The following NUMBL variants were observed in gnomAD, a reference collection of about 807,000 sequenced individuals.
The protein encoded by NUMBL is NUMB like endocytic adaptor protein.
NUMBL carries 20 observed loss-of-function variants against 48.9 expected under a neutral mutation model. The ratio of observed to expected loss-of-function variants is 0.41; its 90% CI spans 0.29 to 0.59. The LOEUF (loss-of-function observed/expected upper bound fraction) is 0.59, where lower values mean the gene tolerates loss of function less well. NUMBL is among the 20% of genes least tolerant of loss of function. The pLI, the probability that NUMBL is intolerant of heterozygous loss-of-function variation, is 0.31. For synonymous variants in NUMBL, 340 were observed against 348.7 expected (o/e 0.98, Z 0.28); for missense variants, 660 against 846.2 (o/e 0.78, Z 2.73).
At position 40,667,585 on chromosome 19, in the gene NUMBL, AGCTGGG is replaced by A. The variant is rs747088284; in HGVS notation, c.1707_1712del (p.Ala571_Pro572del). ...GGGCCTCAAAGGGGTCCAACTCTGGAGCTGGGGCAGGCGCTGGCTCAGGGGGCCAGG... is the reference window on the plus strand; with the variant it reads ...GGGCCTCAAAGGGGTCCAACTCTGGAGCAGGCGCTGGCTCAGGGGGCCAGG... On this transcript the variant is annotated inframe_deletion, in exon 10 of 10. Coordinates refer to ENST00000252891, the MANE Select transcript of NUMBL (RefSeq NM_004756.5). This position sits in a 1 kb window ranked among gnomAD's most constrained non-coding sequence, Gnocchi z 6.1. 7 of 1,556,126 alleles carry A rather than the reference AGCTGGG, an allele frequency of 4.5e-6. No individual in the cohort carries two copies. In the South Asian group the frequency reaches 4.7e-5, roughly 11 times the overall value.
rs1337393634 is a variant in NUMBL, at chr19:40,684,566, C to A, written c.110-10G>T. On this transcript the variant is annotated splice_polypyrimidine_tract_variant and intron_variant, in intron 2 of 9. Coordinates refer to ENST00000252891, the MANE Select transcript of NUMBL (RefSeq NM_004756.5). ...ATGGTGCCCGCCCCGTCTGGTGACA[C>A]AGGACAGTGATGTGGGTCAAGGGTG... The A allele has an allele frequency of 2.5e-6, 4 of 1,602,024 alleles. No individual in the cohort carries two copies. The highest frequency in any genetic ancestry group is 3.4e-6 in the Non-Finnish European group (4 of 1,172,708).
chr19:40,683,100 C>T, intron 3 of NUMBL, 132 bp from the exon 4 acceptor site: 1 of 799,136 alleles, frequency 1.3e-6, no homozygotes. Flanking sequence ...ATTTATTCTG[C>T]ATCTCAACTC....
chr19:40,667,126 T>A lies in NUMBL; in HGVS notation c.*342A>T. The A allele has an allele frequency of 3.3e-6, 1 of 301,444 alleles. No individual in the cohort carries two copies. The highest frequency in any genetic ancestry group is 6.4e-6 in the Non-Finnish European group (1 of 156,740). The allele number at this position is 301,444 out of a possible 1,614,324, so 18.7% of individuals were successfully genotyped here. ...CTCCATCCTGTCCAACACTGGAAGG[T>A]GGGGGTCAACAGAAACTGGGAAATG... is the stretch of plus-strand genomic sequence containing the variant. On this transcript the variant is annotated 3_prime_UTR_variant, in exon 10 of 10. Transcript: ENST00000252891. The surrounding 1 kb of genome is among the most constrained non-coding windows in gnomAD (Gnocchi z 6.1).
At chr19:40,672,571 G>A (rs993776422) in intron 8 of NUMBL, among the ~76,000 whole-genome samples, 1 of 152,232 alleles carries the variant, frequency 6.6e-6, no homozygotes, top group Non-Finnish European at 1.5e-5. Flanking sequence ...TGCATGTCAT[G>A]TTTCTACTGA....
rs1020609634 is a variant in NUMBL at position 40,690,581 on chromosome 19, C to T, written c.-98G>A. The T allele has an allele frequency of 5.8e-6, 4 of 692,232 alleles. No individual in the cohort carries two copies. The highest frequency in any genetic ancestry group is 2.0e-6 in the Non-Finnish European group (1 of 500,394). The allele number at this position is 692,232 out of a possible 1,614,324, so 42.9% of individuals were successfully genotyped here. A position where few individuals can be genotyped will look rare whatever the true frequency, so the allele number is the denominator to read the frequency against. On this transcript the variant is annotated 5_prime_UTR_variant, in exon 1 of 10. Transcript: ENST00000252891. Reference sequence around the variant, plus strand: ...TGGCGGCGGCAGCTCGGTCTGACGCCGGCCAGGGCCCGGGGCCGGGGGATG... The same window carrying T: ...TGGCGGCGGCAGCTCGGTCTGACGCTGGCCAGGGCCCGGGGCCGGGGGATG...
In NUMBL at chr19:40,672,773, T is replaced by C. The variant is rs781132774; in HGVS notation, c.1036+571A>G. On this transcript the variant is annotated intron_variant, in intron 8 of 9. Coordinates refer to ENST00000252891, the MANE Select transcript of NUMBL (RefSeq NM_004756.5). ...ATGACTTGTGATGCCTTTTTTGCCA[T>C]CCCTTGATGCTCCCTGCCCTAGGCA... 6.9e-4 allele frequency among the ~76,000 whole-genome samples: 104 copies of C among 151,810 alleles called. 1 individual carries two copies. The highest frequency in any genetic ancestry group is 5.2e-4 in the Non-Finnish European group (35 of 67,958).
intron 3 of NUMBL, 192 bp from the exon 4 acceptor site, chr19:40,683,160 G>A (rs1163169886): frequency 1.6e-6 from 1 of 640,254 alleles, no homozygotes; most frequent in Non-Finnish European, 2.8e-6. Flanking sequence ...TGGGGAAACT[G>A]AAGCACAGCA....
chr19:40,689,536 C>G (rs1172562575), intron 1 of NUMBL: 1 of 153,072 alleles, frequency 6.5e-6, no homozygotes, highest in African/African-American at 2.4e-5. Context: ...CTCCCCATCG[C>G]TTGCTTCCCC....
At chr19:40,677,600 G>A (rs1452619323) in intron 6 of NUMBL, among the ~76,000 whole-genome samples, 179 bp from the exon 7 acceptor site, 1 of 152,222 alleles carries the variant, frequency 6.6e-6, no homozygotes, top group East Asian at 1.9e-4. Context: ...CCAAGTGAGA[G>A]AAGCCAGAAA....
In NUMBL at chr19:40,682,681, G is replaced by C; in HGVS notation, c.399+47C>G. The C allele has an allele frequency of 6.3e-7, 1 of 1,585,124 alleles. No individual in the cohort carries two copies. The highest frequency in any genetic ancestry group is 8.6e-7 in the Non-Finnish European group (1 of 1,157,156). ...GGTGTCCTCCGCCCTGATTCCAGCAGGGTGAGCAGACAGGCCCCCTGGCGT... is the reference window on the plus strand; with the variant it reads ...GGTGTCCTCCGCCCTGATTCCAGCACGGTGAGCAGACAGGCCCCCTGGCGT... On this transcript the variant is annotated intron_variant, in intron 5 of 9. Transcript: ENST00000252891. The surrounding 1 kb of genome is among the most constrained non-coding windows in gnomAD (Gnocchi z 4.0).
chr19:40,684,770 T>G (rs1393889577), intron 2 of NUMBL: 13 of 524,982 alleles, frequency 2.5e-5, no homozygotes, highest in South Asian at 7.7e-5. Flanking sequence ...GTGCGAAAGT[T>G]GGGCACTGGG....
intron 7 of NUMBL, among the ~76,000 whole-genome samples, chr19:40,675,576 AACAC>A (rs3071383): frequency 0.05 from 7,125 of 142,262 alleles, 226 homozygotes; most frequent in Admixed American, 0.11. Flanking sequence ...TTATATTTTA[AACAC>A]ACACACACAC....
chr19:40,681,613 C>A (rs946860738), intron 5 of NUMBL, among the ~76,000 whole-genome samples: 3 of 152,136 alleles, frequency 2.0e-5, no homozygotes, highest in African/African-American at 7.2e-5. Flanking sequence ...ACAATAAACA[C>A]TTAATGGCTA....
In NUMBL at chr19:40,667,331, C is replaced by T. The variant is rs2081814938; in HGVS notation, c.*137G>A. ...ACAATGTTGGTTCTGTAGTGGTTGT[C>T]GGGGTGGTTGAGGGAGGGGGGTGTT... On this transcript the variant is annotated 3_prime_UTR_variant, in exon 10 of 10. Transcript: ENST00000252891. The surrounding 1 kb of genome is among the most constrained non-coding windows in gnomAD (Gnocchi z 6.1). 1.0e-5 allele frequency: 13 copies of T among 1,249,484 alleles called. No homozygotes were observed. The highest frequency in any genetic ancestry group is 4.5e-5 in the South Asian group (3 of 66,074). 77.4% of individuals were successfully genotyped at this position (1,249,484 alleles called of 1,614,324 possible). A position where few individuals can be genotyped will look rare whatever the true frequency, so the allele number is the denominator to read the frequency against.
chr19:40,683,650 C>T (rs1410251568), intron 3 of NUMBL, among the ~76,000 whole-genome samples: 2 of 152,228 alleles, frequency 1.3e-5, no homozygotes, highest in Non-Finnish European at 2.9e-5. Context: ...TGCTCTCCCC[C>T]TCACAGGAAT....
rs771511093 is a variant in NUMBL, at chr19:40,673,314, A to G, written c.1036+30T>C. On this transcript the variant is annotated intron_variant, in intron 8 of 9. Coordinates refer to ENST00000252891, the MANE Select transcript of NUMBL (RefSeq NM_004756.5). This position sits in a 1 kb window ranked among gnomAD's most constrained non-coding sequence, Gnocchi z 5.9. ...CATCAGATAGTGCCAATTGATTCCA[A>G]CGCCGTTTCCCACTGGGCCCAGGGC... 9.5e-6 allele frequency: 15 copies of G among 1,573,722 alleles called. No individual in the cohort carries two copies. Among genetic ancestry groups the G allele is most frequent in the South Asian group, 1.2e-5 (1 of 86,234 alleles).
Position 40,667,223 on chromosome 19 carries a change from C to A in NUMBL, c.*245G>T. Reference sequence around the variant, plus strand: ...TCTGGGGTTGGGGAAGGGGGCATTGCCAGCCTAAGTCCGGCAGTGAAATGG... The same window carrying A: ...TCTGGGGTTGGGGAAGGGGGCATTGACAGCCTAAGTCCGGCAGTGAAATGG... On this transcript the variant is annotated 3_prime_UTR_variant, in exon 10 of 10. Transcript: ENST00000252891. The surrounding 1 kb of genome is among the most constrained non-coding windows in gnomAD (Gnocchi z 6.1). 1.9e-6 allele frequency: 1 copy of A among 539,532 alleles called. No individual in the cohort carries two copies. Among genetic ancestry groups the A allele is most frequent in the Non-Finnish European group, 3.3e-6 (1 of 306,324 alleles). 33.4% of individuals were successfully genotyped at this position (539,532 alleles called of 1,614,324 possible).
Position 40,667,975 on chromosome 19 carries a change from C to T in NUMBL, c.1323G>A (p.Gln441=), listed in dbSNP as rs2604901. 0.6 allele frequency: 941,891 copies of T among 1,562,342 alleles called. 287,768 individuals carry two copies. Among genetic ancestry groups the T allele is most frequent in the African/African-American group, 0.89 (65,559 of 73,654 alleles). The stretch of plus-strand genomic sequence containing the variant: ...CTGAGGCTGCTTGCTGCTGTTGCTG[C>T]TGCTGCTGCTGCTGCTGTTGCTGTT... ...QQQQQQQQQQ[Q]QQQQQAASVA... The change falls in exon 10 of 10, where the codon CAG becomes CAA. Residue 441 remains glutamine (Q), a synonymous_variant. Transcript: ENST00000252891. The surrounding 1 kb of genome is among the most constrained non-coding windows in gnomAD (Gnocchi z 6.1).
intron 1 of NUMBL, 90 bp downstream of exon 1, chr19:40,690,370 C>G (rs2081959072): frequency 2.6e-6 from 2 of 758,828 alleles, no homozygotes; most frequent in Non-Finnish European, 3.6e-6. Context: ...CACCCTCTCT[C>G]CATCCGGGCG....
Sources: allele counts gnomAD v4.1 joint callset (sites outside exome capture counted in the v4.1 genomes callset), GRCh38; gene constraint gnomAD v4.1.1; non-coding constraint Gnocchi (gnomAD v3.1); transcripts MANE v1.5; gene names NCBI Gene and HGNC (gene_info 2026-07-23, HGNC 2026-07-21).